The following STK3 variants were observed in gnomAD, a reference collection of about 807,000 sequenced individuals.
STK3 encodes serine/threonine kinase 3, also known as serine/threonine-protein kinase 3.
STK3 carries 41 observed loss-of-function variants against 58.0 expected under a neutral mutation model. That is an observed-to-expected ratio of 0.71 (90% CI 0.55 to 0.92). The LOEUF (loss-of-function observed/expected upper bound fraction) is 0.92, where lower values mean the gene tolerates loss of function less well. Among genes scored for constraint, STK3 ranks in the 40% least tolerant of loss-of-function variants. The probability of loss-of-function intolerance (pLI) is 0.00; values close to 1 mark genes in which losing one functional copy is unlikely to be tolerated. For synonymous variants in STK3, 170 were observed against 191.0 expected (o/e 0.89, Z 0.91); for missense variants, 479 against 602.7 (o/e 0.79, Z 2.15).
intron 6 of STK3, among the ~76,000 whole-genome samples, chr8:98,700,849 C>T (rs1305204835): frequency 6.6e-6 from 1 of 152,044 alleles, no homozygotes; most frequent in Non-Finnish European, 1.5e-5. Flanking sequence ...AACAGGTAAG[C>T]AAACACAAAG....
chr8:98,515,545 A>T (rs777805724), intron 10 of STK3, among the ~76,000 whole-genome samples: 6 of 152,114 alleles, frequency 3.9e-5, no homozygotes, highest in South Asian at 2.1e-4. Flanking sequence ...TGATTTATGC[A>T]TCTCCTCTTT....
intron 3 of STK3, among the ~76,000 whole-genome samples, chr8:98,761,972 G>A (rs1169124556): frequency 2.0e-5 from 3 of 152,110 alleles, no homozygotes; most frequent in African/African-American, 7.2e-5. Flanking sequence ...CAGGCCAGCT[G>A]AAAATGCTCT....
At chr8:98,892,076 A>C (rs903761663) in intron 1 of STK3, among the ~76,000 whole-genome samples, 3 of 151,420 alleles carry the variant, frequency 2.0e-5, no homozygotes, top group Non-Finnish European at 2.9e-5. Flanking sequence ...TACTCCACCC[A>C]AAAAAAAATC....
Position 98,583,909 on chromosome 8 carries a change from A to C in STK3, c.823-4120T>G, listed in dbSNP as rs145771894. 2.3e-3 allele frequency among the ~76,000 whole-genome samples: 351 copies of C among 151,812 alleles called. 2 individuals carry two copies. The highest frequency in any genetic ancestry group is 7.8e-3 in the African/African-American group (323 of 41,422). ...AGAGAGAAGAAAGAGAGAGAAGGTAACTTAGAGATTAATAAATACTTCTTT... is the reference window on the plus strand; with the variant it reads ...AGAGAGAAGAAAGAGAGAGAAGGTACCTTAGAGATTAATAAATACTTCTTT... On this transcript the variant is annotated intron_variant, in intron 7 of 10. Coordinates refer to ENST00000419617, the MANE Select transcript of STK3 (RefSeq NM_006281.4).
intron 6 of STK3, among the ~76,000 whole-genome samples, chr8:98,678,440 T>C (rs914573997): frequency 6.6e-6 from 1 of 152,096 alleles, no homozygotes; most frequent in African/African-American, 2.4e-5. Flanking sequence ...ATTAAAACCA[T>C]GGACTTTTTT....
intron 6 of STK3, among the ~76,000 whole-genome samples, chr8:98,701,655 C>A (rs1435754299): frequency 6.0e-5 from 9 of 150,974 alleles, no homozygotes; most frequent in Non-Finnish European, 1.3e-4. Flanking sequence ...TATCTATACA[C>A]ACACATATAT....
chr8:98,386,432 C>T (rs1817792651), intron 1 of STK3, among the ~76,000 whole-genome samples: 1 of 152,050 alleles, frequency 6.6e-6, no homozygotes, highest in Admixed American at 6.5e-5. Context: ...CTATATACCA[C>T]TATGAAGTGA....
intron 1 of STK3, among the ~76,000 whole-genome samples, chr8:98,798,293 A>G (rs1833307900): frequency 6.6e-6 from 1 of 152,204 alleles, no homozygotes; most frequent in Non-Finnish European, 1.5e-5. Context: ...ATATTTCTAT[A>G]TTTCTATGTC....
At chr8:98,786,457 A>T (rs1296727858) in intron 1 of STK3, among the ~76,000 whole-genome samples, 2 of 152,180 alleles carry the variant, frequency 1.3e-5, no homozygotes, top group African/African-American at 4.8e-5. Context: ...CTGGGGTGAA[A>T]GGATCACCTG....
At chr8:98,880,910 C>T (rs1025403387), downstream of STK3, 4 of 152,170 alleles carry the variant, frequency 2.6e-5, no homozygotes, top group African/African-American at 7.2e-5. Context: ...GTGTGAAAGT[C>T]GGTTTGGCAG....
intron 1 of STK3, among the ~76,000 whole-genome samples, chr8:98,891,922 C>G (rs537788920): frequency 1.2e-4 from 18 of 152,262 alleles, no homozygotes; most frequent in Admixed American, 1.2e-3. Context: ...TGAAAGTACT[C>G]AGGCCACAAA....
At chr8:98,582,483 A>AT (rs1373166702) in intron 7 of STK3, among the ~76,000 whole-genome samples, 6 of 151,604 alleles carry the variant, frequency 4.0e-5, no homozygotes, top group African/African-American at 1.5e-4. Flanking sequence ...TCCTATTTCC[A>AT]TTTTTTGTTT....
At chr8:98,641,636 C>G (rs1029146039) in intron 6 of STK3, among the ~76,000 whole-genome samples, 3 of 152,124 alleles carry the variant, frequency 2.0e-5, no homozygotes, top group Non-Finnish European at 4.4e-5. Flanking sequence ...AGATACTACC[C>G]CTTACTTAAA....
chr8:98,835,114 A>T (rs1835698620), intron 3 of STK3, among the ~76,000 whole-genome samples: 1 of 152,230 alleles, frequency 6.6e-6, no homozygotes, highest in South Asian at 2.1e-4. Flanking sequence ...AAGAGGCATG[A>T]CTGAAGTTCC....
intron 4 of STK3, among the ~76,000 whole-genome samples, chr8:98,744,538 C>T (rs1167188442): frequency 1.5e-5 from 2 of 132,730 alleles, no homozygotes; most frequent in African/African-American, 5.8e-5. Context: ...ACAATGAGAA[C>T]ACATGGACAC....
At chr8:98,806,322 T>A (rs980075521) in intron 1 of STK3, among the ~76,000 whole-genome samples, 11 of 152,178 alleles carry the variant, frequency 7.2e-5, no homozygotes, top group Admixed American at 2.0e-4. Context: ...TCTTCCTATA[T>A]AAACGCTTAT....
At chr8:98,734,965 T>A (rs1423624894) in intron 4 of STK3, among the ~76,000 whole-genome samples, 1 of 152,096 alleles carries the variant, frequency 6.6e-6, no homozygotes, top group African/African-American at 2.4e-5. Flanking sequence ...GACACATATA[T>A]AACTTTTGTA....
chr8:98,438,295 T>C (rs1733384018), intron 1 of STK3: 1 of 152,078 alleles, frequency 6.6e-6, no homozygotes, highest in Admixed American at 6.5e-5. Context: ...TGAGAATGTG[T>C]AGATGTGTGT....
intron 4 of STK3, among the ~76,000 whole-genome samples, chr8:98,744,416 T>C (rs1371199946): frequency 6.6e-6 from 1 of 151,564 alleles, no homozygotes; most frequent in Non-Finnish European, 1.5e-5. Flanking sequence ...AAATAATGAG[T>C]TCATGTCCTT....
Sources: gnomAD v4.1 joint callset for allele counts (sites outside exome capture counted in the v4.1 genomes callset) on GRCh38, gnomAD v4.1.1 for gene constraint, MANE v1.5 for transcripts, NCBI Gene and HGNC (gene_info 2026-07-23, HGNC 2026-07-21) for gene names.